The following SLC30A6 variants were observed in gnomAD, a reference collection of about 807,000 sequenced individuals.
SLC30A6 encodes zinc transporter 6.
In SLC30A6, 55 loss-of-function variants were observed where a neutral mutation model predicts 63.0. That is an observed-to-expected ratio of 0.87 (90% CI 0.70 to 1.09). The LOEUF is 1.09. SLC30A6 is among the 50% of genes least tolerant of loss of function. The pLI is 0.00. For missense variants in SLC30A6, 587 were observed against 549.2 expected, an observed-to-expected ratio of 1.07 and a Z score of -0.69; for synonymous variants, 224 against 186.1, an observed-to-expected ratio of 1.20 and a Z score of -1.66.
At chr2:32,169,429 A>T (rs866635055) in intron 1 of SLC30A6, among the ~76,000 whole-genome samples, 3 of 152,102 alleles carry the variant, frequency 2.0e-5, no homozygotes, top group Non-Finnish European at 4.4e-5. Context: ...CTCCTGACTC[A>T]GTCACCCAAA....
chr2:32,223,474 G>A lies in SLC30A6; in HGVS notation c.*2761G>A, dbSNP rs1686248895. 1 of 152,244 alleles carries A rather than the reference G, an allele frequency of 6.6e-6. No homozygotes were observed. Among genetic ancestry groups the A allele is most frequent in the South Asian group, 2.1e-4 (1 of 4,828 alleles). 9.4% of individuals were successfully genotyped at this position (152,244 alleles called of 1,614,324 possible). On this transcript the variant is annotated 3_prime_UTR_variant, in exon 14 of 14. Transcript: ENST00000282587. Reference sequence around the variant, plus strand: ...TCATCTGAGCTTTCTCATCTGTAAAGTTAGGGAGAGGAATTAATTAGTTGA... The same window carrying A: ...TCATCTGAGCTTTCTCATCTGTAAAATTAGGGAGAGGAATTAATTAGTTGA...
chr2:32,168,128 G>T (rs1358040199), intron 1 of SLC30A6, among the ~76,000 whole-genome samples: 1 of 151,996 alleles, frequency 6.6e-6, no homozygotes, highest in Admixed American at 6.6e-5. Context: ...AGTATTTAAG[G>T]TTTATTTTAA....
intron 10 of SLC30A6, chr2:32,202,349 T>C: frequency 2.8e-6 from 1 of 359,508 alleles, no homozygotes; most frequent in Non-Finnish European, 5.3e-6. Context: ...GTTTGTTTGT[T>C]TGTTTGTTTT....
intron 12 of SLC30A6, among the ~76,000 whole-genome samples, chr2:32,208,854 C>G (rs1685013566): frequency 6.6e-6 from 1 of 152,168 alleles, no homozygotes; most frequent in South Asian, 2.1e-4. Context: ...CACCTACTAA[C>G]TAATGAAGAA....
chr2:32,182,411 G>A (rs1032197252), intron 4 of SLC30A6, among the ~76,000 whole-genome samples: 5 of 152,194 alleles, frequency 3.3e-5, no homozygotes, highest in African/African-American at 1.2e-4. Context: ...TATGAACCCT[G>A]TCATGATGAG....
At chr2:32,205,416 T>A (rs759331374) in intron 11 of SLC30A6, among the ~76,000 whole-genome samples, 33 of 152,010 alleles carry the variant, frequency 2.2e-4, no homozygotes, top group Non-Finnish European at 4.0e-4. Flanking sequence ...CAAGACTCCA[T>A]CTCAAAAAAA....
At position 32,174,102 on chromosome 2, in the gene SLC30A6, T is replaced by C. The variant is rs1413451874; in HGVS notation, c.130T>C (p.Cys44Arg). 52 of 1,613,714 alleles carry C rather than the reference T, an allele frequency of 3.2e-5. No individual in the cohort carries two copies. Among genetic ancestry groups the C allele is most frequent in the Non-Finnish European group, 4.3e-5 (51 of 1,179,850 alleles). ...GCTCTTTGGTGTAATAAACTTGATA[T>C]GTACTGGCTTCCTGCTTATGTGGTG... ...ILLFGVINLI[C>R]TGFLLMWCSS... The change falls in exon 3 of 14, where the codon TGT becomes CGT. Residue 44 changes from cysteine (C) to arginine (R), a missense_variant. By Grantham distance (180) the Cys-to-Arg change is radical. Transcript: ENST00000282587.
At chr2:32,215,982 G>A (rs1358629382) in intron 13 of SLC30A6, among the ~76,000 whole-genome samples, 2 of 152,176 alleles carry the variant, frequency 1.3e-5, no homozygotes, top group Non-Finnish European at 1.5e-5. Context: ...CTAGGTTGAT[G>A]CCATGCCTTT....
rs1043050534 is a variant in SLC30A6 at position 32,222,476 on chromosome 2, A to C, written c.*1763A>C. ...CAGCACTTTGAAATCCTTTTTCTTC[A>C]CTGTGGATTAAAAACATCCAAGAAG... On this transcript the variant is annotated 3_prime_UTR_variant, in exon 14 of 14. Transcript: ENST00000282587. The C allele has an allele frequency of 6.6e-6, 1 of 152,086 alleles. No individual in the cohort carries two copies. Among genetic ancestry groups the C allele is most frequent in the Non-Finnish European group, 1.5e-5 (1 of 68,028 alleles). 9.4% of individuals were successfully genotyped at this position (152,086 alleles called of 1,614,324 possible).
intron 4 of SLC30A6, among the ~76,000 whole-genome samples, chr2:32,176,468 C>G (rs753351425): frequency 2.0e-5 from 3 of 151,756 alleles, no homozygotes; most frequent in Admixed American, 6.6e-5. Context: ...ACCAGCCTGG[C>G]CAATATGGTG....
intron 5 of SLC30A6, among the ~76,000 whole-genome samples, chr2:32,188,696 C>T (rs375050): frequency 0.72 from 108,942 of 152,102 alleles, 39,304 homozygotes; most frequent in African/African-American, 0.75. Context: ...AAATAAAAAG[C>T]AAATTTCATA....
intron 13 of SLC30A6, among the ~76,000 whole-genome samples, chr2:32,213,233 T>C (rs1362310307): frequency 6.6e-6 from 1 of 151,872 alleles, no homozygotes; most frequent in Non-Finnish European, 1.5e-5. Context: ...TCTGAACTTC[T>C]TCTGTCCTTT....
At chr2:32,205,755 C>T (rs1684714025) in intron 11 of SLC30A6, among the ~76,000 whole-genome samples, 1 of 138,360 alleles carries the variant, frequency 7.2e-6, no homozygotes, top group African/African-American at 2.7e-5. Flanking sequence ...GCAACCTTTG[C>T]TTCCTGGGTT....
intron 10 of SLC30A6, among the ~76,000 whole-genome samples, chr2:32,198,092 C>T (rs1295605869): frequency 6.6e-6 from 1 of 152,006 alleles, no homozygotes; most frequent in Non-Finnish European, 1.5e-5. Context: ...GAAAAGAGAA[C>T]AGTAAGAAAG....
chr2:32,192,436 T>C lies in SLC30A6; in HGVS notation c.365+20T>C, dbSNP rs1683414054. On this transcript the variant is annotated intron_variant, in intron 6 of 13. Transcript: ENST00000282587. ...AGAAAGGTACATTTGTATAGGATAT[T>C]ATTCTAAATCCCCCCATGACACCTT... The C allele has an allele frequency of 1.3e-6, 2 of 1,596,016 alleles. No individual in the cohort carries two copies. Among genetic ancestry groups the C allele is most frequent in the East Asian group, 2.2e-5 (1 of 44,768 alleles).
chr2:32,195,343 G>T (rs1683692334), intron 8 of SLC30A6, among the ~76,000 whole-genome samples: 1 of 152,116 alleles, frequency 6.6e-6, no homozygotes, highest in Non-Finnish European at 1.5e-5. Context: ...CGGGATTACA[G>T]GTGTGAGCCA....
chr2:32,195,617 A>G (rs1047367009), intron 8 of SLC30A6, among the ~76,000 whole-genome samples: 9 of 151,486 alleles, frequency 5.9e-5, no homozygotes, highest in Admixed American at 6.6e-5. Flanking sequence ...AAAATACAGT[A>G]TTTTTCAAAG....
intron 5 of SLC30A6, chr2:32,187,031 A>T (rs1218813483): frequency 2.7e-6 from 1 of 366,578 alleles, no homozygotes; most frequent in Non-Finnish European, 5.4e-6. Flanking sequence ...AAAAAGAAAA[A>T]TGAGTTCGGG....
intron 4 of SLC30A6, among the ~76,000 whole-genome samples, chr2:32,179,306 T>G (rs1418157494): frequency 1.3e-5 from 2 of 152,212 alleles, no homozygotes; most frequent in Non-Finnish European, 2.9e-5. Context: ...TGCAGATATA[T>G]TCCTGTGGTT....
Sources: gnomAD v4.1 joint callset for allele counts (sites outside exome capture counted in the v4.1 genomes callset) on GRCh38, gnomAD v4.1.1 for gene constraint, MANE v1.5 for transcripts, NCBI Gene and HGNC (gene_info 2026-07-23, HGNC 2026-07-21) for gene names.